TMEM131: variants seen among roughly 807,000 people sequenced by gnomAD.
TMEM131 encodes 2610524E03Rik.
In TMEM131, 66 loss-of-function variants were observed where a neutral mutation model predicts 211.6. That is an observed-to-expected ratio of 0.31 (90% CI 0.26 to 0.38). The LOEUF (loss-of-function observed/expected upper bound fraction) is 0.38, where lower values mean the gene tolerates loss of function less well. Among genes scored for constraint, TMEM131 ranks in the 10% least tolerant of loss-of-function variants. The probability of loss-of-function intolerance (pLI) is 1.00; values close to 1 mark genes in which losing one functional copy is unlikely to be tolerated. For synonymous variants in TMEM131, 844 were observed against 841.3 expected, an observed-to-expected ratio of 1.00 and a Z score of -0.06; for missense variants, 2,036 against 2,299.3, an observed-to-expected ratio of 0.89 and a Z score of 2.34.
chr2:97,813,938 A>G (rs2104973560), intron 15 of TMEM131, 33 bp downstream of exon 15: 1 of 1,487,416 alleles, frequency 6.7e-7, no homozygotes, highest in East Asian at 2.4e-5. Context: ...GTGGGCAGGG[A>G]GTTTAAATGT....
chr2:97,911,082 A>G (rs1174085817), intron 2 of TMEM131, among the ~76,000 whole-genome samples: 2 of 152,216 alleles, frequency 1.3e-5, no homozygotes, highest in African/African-American at 4.8e-5. Flanking sequence ...GAGTTGTGTT[A>G]TATCCGTACA....
At chr2:97,853,889 G>A (rs1214385339) in intron 5 of TMEM131, among the ~76,000 whole-genome samples, 3 of 152,160 alleles carry the variant, frequency 2.0e-5, no homozygotes, top group Non-Finnish European at 4.4e-5. Flanking sequence ...TTCGTGAGAT[G>A]AAATCTACTC....
chr2:97,847,194 A>C (rs1032310259), intron 5 of TMEM131, among the ~76,000 whole-genome samples: 1 of 152,124 alleles, frequency 6.6e-6, no homozygotes, highest in South Asian at 2.1e-4. Flanking sequence ...TCTCAAAAAT[A>C]AAGTGCAAAG....
In TMEM131 at chr2:97,834,835, T is replaced by C; in HGVS notation, c.895A>G (p.Thr299Ala). ...DNHTAFIRIKTNASDSTEFII... is the reference protein window; with the variant it reads ...DNHTAFIRIKANASDSTEFII... ...AACTCTGTGCTGTCTGAAGCATTAG[T>C]CTTTATTCTTATGAAGGCTGTGTGA... The change falls in exon 9 of 41, where the codon ACT becomes GCT. Residue 299 changes from threonine (T) to alanine (A), a missense_variant. Coordinates refer to ENST00000186436, the MANE Select transcript of TMEM131 (RefSeq NM_015348.2). 2 of 1,613,864 alleles carry C rather than the reference T, an allele frequency of 1.2e-6. No individual in the cohort carries two copies. Among genetic ancestry groups the C allele is most frequent in the Non-Finnish European group, 1.7e-6 (2 of 1,179,816 alleles).
rs554641919 is a variant in TMEM131, at chr2:97,957,144, G to A, written c.188-29657C>T. ...CTACAGCAATAATTTTTAAAATGAA[G>A]TTAAATGTTTGAATAAATGTGAGAC... On this transcript the variant is annotated intron_variant, in intron 1 of 40. Transcript: ENST00000186436. Among the ~76,000 whole-genome samples the A allele has an allele frequency of 4.6e-5, 7 of 150,602 alleles. No individual in the cohort carries two copies. In the South Asian group the frequency reaches 1.3e-3, roughly 27 times the overall value.
chr2:97,908,301 C>T (rs372268355), intron 3 of TMEM131, among the ~76,000 whole-genome samples: 2 of 152,090 alleles, frequency 1.3e-5, no homozygotes, highest in Admixed American at 6.5e-5. Flanking sequence ...TGGGGGCCTG[C>T]GGGCAGACCC....
intron 9 of TMEM131, 22 bp from the exon 10 acceptor site, chr2:97,834,699 CA>C (rs750137025): frequency 5.0e-6 from 8 of 1,594,374 alleles, no homozygotes; most frequent in Non-Finnish European, 6.0e-6. Context: ...GAAAAGTCAA[CA>C]ATTATTTTTC....
chr2:97,940,456 C>G (rs1367826840), intron 1 of TMEM131, among the ~76,000 whole-genome samples: 1 of 152,136 alleles, frequency 6.6e-6, no homozygotes, highest in Non-Finnish European at 1.5e-5. Flanking sequence ...ATCCAACTTA[C>G]AAGGGATGTG....
At position 97,834,677 on chromosome 2, in the gene TMEM131, G is replaced by A; in HGVS notation, c.956C>T (p.Ala319Val). 6.3e-7 allele frequency: 1 copy of A among 1,591,836 alleles called. No homozygotes were observed. Among genetic ancestry groups the A allele is most frequent in the Non-Finnish European group, 8.5e-7 (1 of 1,170,764 alleles). Residue 319 changes from alanine to valine, a missense_variant and splice_region_variant, in exon 10 of 41, where the codon GCT becomes GTT. This residue lies in a region of TMEM131 where 277 missense variants were observed against 378.0 expected (regional missense o/e 0.73). Coordinates refer to ENST00000186436, the MANE Select transcript of TMEM131 (RefSeq NM_015348.2). ...ILPVEVEVTTAPGIYSSTEML... is the reference protein window; with the variant it reads ...ILPVEVEVTTVPGIYSSTEML... The stretch of plus-strand genomic sequence containing the variant: ...TTCAGTTGAGGAATAAATTCCAGGA[G>A]CTTGGAAAAAAGAAAAGTCAACAAT...
rs150079098 is a variant in TMEM131, at chr2:97,920,230, G to C, written c.249+7196C>G. On this transcript the variant is annotated intron_variant, in intron 2 of 40. Coordinates refer to ENST00000186436, the MANE Select transcript of TMEM131 (RefSeq NM_015348.2). ...CACAGGCAGTAGCCCTCAATCTCTTGCACTCCTAATTCTGTCTCAGGATCT... is the reference window on the plus strand; with the variant it reads ...CACAGGCAGTAGCCCTCAATCTCTTCCACTCCTAATTCTGTCTCAGGATCT... 6.2e-3 allele frequency among the ~76,000 whole-genome samples: 946 copies of C among 152,098 alleles called. 7 individuals are homozygous for C. Among genetic ancestry groups the C allele is most frequent in the Non-Finnish European group, 9.5e-3 (648 of 68,006 alleles).
intron 31 of TMEM131, among the ~76,000 whole-genome samples, chr2:97,789,542 G>A (rs1680403215): frequency 6.6e-6 from 1 of 152,248 alleles, no homozygotes; most frequent in South Asian, 2.1e-4. Context: ...CAGTTAGTAA[G>A]GGAGCGGAGT....
intron 30 of TMEM131, 70 bp downstream of exon 30, chr2:97,793,325 A>T: frequency 6.8e-7 from 1 of 1,477,112 alleles, no homozygotes; most frequent in Admixed American, 2.2e-5. Context: ...AAAGAAACTT[A>T]TTTTTTATTG....
rs536460739 is a variant in TMEM131 at position 97,765,226 on chromosome 2, A to T, written c.4723+888T>A. The T allele has an allele frequency of 3.9e-5, 6 of 152,342 alleles. No homozygotes were observed. The East Asian group carries it at 1.2e-3, about 29-fold the overall frequency. The allele number at this position is 152,342 out of a possible 1,614,324, so 9.4% of individuals were successfully genotyped here. A position where few individuals can be genotyped will look rare whatever the true frequency, so the allele number is the denominator to read the frequency against. On this transcript the variant is annotated intron_variant, in intron 35 of 40. Coordinates refer to ENST00000186436, the MANE Select transcript of TMEM131 (RefSeq NM_015348.2). The stretch of plus-strand genomic sequence containing the variant: ...GTCTCATGGCAAATAGGGCTACAGG[A>T]TGTATCTCAGAGAGCATCTCTTTCC...
At chr2:97,782,723 A>G (rs929862490) in intron 31 of TMEM131, among the ~76,000 whole-genome samples, 5 of 152,210 alleles carry the variant, frequency 3.3e-5, no homozygotes, top group Non-Finnish European at 7.4e-5. Context: ...CATGGGCTCA[A>G]TAGCAGAACA....
intron 1 of TMEM131, among the ~76,000 whole-genome samples, chr2:97,970,094 G>C (rs1321517815): frequency 1.3e-5 from 2 of 152,202 alleles, no homozygotes; most frequent in African/African-American, 4.8e-5. Flanking sequence ...TACAAAGCAT[G>C]AGACACATCT....
chr2:97,881,735 G>A (rs1344528069), intron 4 of TMEM131, among the ~76,000 whole-genome samples: 3 of 107,632 alleles, frequency 2.8e-5, no homozygotes, highest in Non-Finnish European at 3.8e-5. Flanking sequence ...GGGGGGGGGC[G>A]GGGGAGGTAG....
At position 97,942,286 on chromosome 2, in the gene TMEM131, G is replaced by C. The variant is rs1478569920; in HGVS notation, c.188-14799C>G. 2.2e-5 allele frequency among the ~76,000 whole-genome samples: 3 copies of C among 136,898 alleles called. No homozygotes were observed. The Admixed American group carries it at 2.4e-4, about 11-fold the overall frequency. 89.8% of individuals were successfully genotyped at this position (136,898 alleles called of 152,430 possible). A position where few individuals can be genotyped will look rare whatever the true frequency, so the allele number is the denominator to read the frequency against. ...TGGGAACTGAACAATGAGAACACTT[G>C]GACACAGGGTGGGGAACATCACACA... On this transcript the variant is annotated intron_variant, in intron 1 of 40. Coordinates refer to ENST00000186436, the MANE Select transcript of TMEM131 (RefSeq NM_015348.2).
At chr2:97,784,045 T>G (rs1680137087) in intron 31 of TMEM131, among the ~76,000 whole-genome samples, 1 of 150,894 alleles carries the variant, frequency 6.6e-6, no homozygotes, top group Non-Finnish European at 1.5e-5. Flanking sequence ...ACCAAGAAGT[T>G]ACAGCAATGT....
At chr2:97,787,776 G>A (rs1027192175) in intron 31 of TMEM131, among the ~76,000 whole-genome samples, 2 of 152,176 alleles carry the variant, frequency 1.3e-5, no homozygotes, top group African/African-American at 4.8e-5. Context: ...GGCACCCAGA[G>A]TGTTGCATAA....
Sources: gnomAD v4.1 joint callset for allele counts (sites outside exome capture counted in the v4.1 genomes callset) on GRCh38, gnomAD v4.1.1 for gene constraint, gnomAD v4.1.1 regional missense constraint, MANE v1.5 for transcripts, NCBI Gene and HGNC (gene_info 2026-07-23, HGNC 2026-07-21) for gene names.